Variants in SLC22A15 observed in about 807,000 individuals in gnomAD.
SLC22A15 encodes the protein flipt 1.
Under a neutral mutation model 62.7 loss-of-function variants are expected in SLC22A15, and 45 were observed. The ratio of observed to expected loss-of-function variants is 0.72; its 90% CI spans 0.56 to 0.92. SLC22A15 has a LOEUF of 0.92. Ranked by LOEUF, SLC22A15 falls within the 40% of genes least tolerant of loss-of-function variation. The pLI is 0.00. For missense variants in SLC22A15, 622 were observed against 665.6 expected (o/e 0.93, Z 0.72); for synonymous variants, 264 against 267.0 (o/e 0.99, Z 0.11).
chr1:116,054,149 T>G (rs1200681604), intron 8 of SLC22A15, among the ~76,000 whole-genome samples: 2 of 152,124 alleles, frequency 1.3e-5, no homozygotes, highest in Non-Finnish European at 2.9e-5. Context: ...TGTGCTATAT[T>G]CAGGAAGCCC....
chr1:116,060,287 A>G (rs572865279), intron 8 of SLC22A15, among the ~76,000 whole-genome samples: 1 of 152,352 alleles, frequency 6.6e-6, no homozygotes, highest in Non-Finnish European at 1.5e-5. Flanking sequence ...TGCAGACCCC[A>G]TTGGCAGGCA....
intron 2 of SLC22A15, among the ~76,000 whole-genome samples, chr1:116,015,798 T>G (rs1185244345): frequency 6.6e-6 from 1 of 152,126 alleles, no homozygotes; most frequent in Non-Finnish European, 1.5e-5. Flanking sequence ...TTCAAGGTAT[T>G]AAGAACAAGT....
At position 116,003,704 on chromosome 1, in the gene SLC22A15, G is replaced by A. The variant is rs149859765; in HGVS notation, c.300+11461G>A. On this transcript the variant is annotated intron_variant, in intron 2 of 11. Coordinates refer to ENST00000369503, the MANE Select transcript of SLC22A15 (RefSeq NM_018420.3). ...CGTGTGGTATTTCTGTGGGTTGGGG[G>A]AAGGGTAGTGTCAGCAATTCAAGAC... 1.2e-3 allele frequency among the ~76,000 whole-genome samples: 181 copies of A among 152,260 alleles called. 1 individual carries two copies. Among genetic ancestry groups the A allele is most frequent in the African/African-American group, 4.1e-3 (170 of 41,538 alleles).
chr1:116,002,505 TA>T (rs1172285624), intron 2 of SLC22A15, among the ~76,000 whole-genome samples: 1 of 152,032 alleles, frequency 6.6e-6, no homozygotes, highest in East Asian at 1.9e-4. Context: ...TCAGGGGCTT[TA>T]AAAATCTGCT....
chr1:116,039,428 G>A (rs917376583), intron 8 of SLC22A15, among the ~76,000 whole-genome samples: 4 of 152,114 alleles, frequency 2.6e-5, no homozygotes, highest in African/African-American at 9.7e-5. Context: ...AGCTACTAGG[G>A]AGGCTGAGGC....
At chr1:116,037,599 C>A in intron 8 of SLC22A15, 1 of 476,758 alleles carries the variant, frequency 2.1e-6, no homozygotes, top group Non-Finnish European at 3.8e-6. Flanking sequence ...TTAATTCTTT[C>A]AGGCTATTAA....
chr1:116,000,661 C>T (rs1251901257), intron 2 of SLC22A15, among the ~76,000 whole-genome samples: 1 of 116,036 alleles, frequency 8.6e-6, no homozygotes, highest in Non-Finnish European at 1.6e-5. Flanking sequence ...GATGGAGTCT[C>T]ACTCTGTCGC....
chr1:115,988,668 G>A (rs1297942836), intron 1 of SLC22A15, among the ~76,000 whole-genome samples: 1 of 148,764 alleles, frequency 6.7e-6, no homozygotes, highest in Admixed American at 6.9e-5. Context: ...TTACAGGCAT[G>A]TGCCACCATG....
chr1:116,027,300 C>T (rs751299971), intron 5 of SLC22A15: 10 of 565,926 alleles, frequency 1.8e-5, no homozygotes, highest in Non-Finnish European at 3.1e-5. Context: ...GCTTTTTTAA[C>T]CTAATACCTC....
chr1:116,013,673 A>G (rs1175445515), intron 2 of SLC22A15: 1 of 152,154 alleles, frequency 6.6e-6, no homozygotes, highest in Non-Finnish European at 1.5e-5. Flanking sequence ...TTATATTTGT[A>G]TTTCAGGAAA....
chr1:116,001,823 A>G (rs961356134), intron 2 of SLC22A15, among the ~76,000 whole-genome samples: 1 of 152,114 alleles, frequency 6.6e-6, no homozygotes, highest in Non-Finnish European at 1.5e-5. Flanking sequence ...TCACTCCAGA[A>G]TTGGTCACTG....
At chr1:115,983,132 A>G (rs560815973) in intron 1 of SLC22A15, among the ~76,000 whole-genome samples, 1 of 152,346 alleles carries the variant, frequency 6.6e-6, no homozygotes, top group African/African-American at 2.4e-5. Context: ...ACATTTCCAA[A>G]TATTTCTGTT....
intron 8 of SLC22A15, among the ~76,000 whole-genome samples, chr1:116,045,287 T>G (rs1418357794): frequency 2.0e-5 from 3 of 151,866 alleles, no homozygotes; most frequent in African/African-American, 7.3e-5. Context: ...TCTCAGGTGA[T>G]CTGCCCACCT....
chr1:116,025,630 G>T (rs1657050671), intron 4 of SLC22A15, among the ~76,000 whole-genome samples: 1 of 152,204 alleles, frequency 6.6e-6, no homozygotes, highest in African/African-American at 2.4e-5. Context: ...ATAGAGGGGA[G>T]ATAGAAGAGA....
At chr1:116,031,673 T>G in intron 6 of SLC22A15, 92 bp downstream of exon 6, 1 of 1,545,560 alleles carries the variant, frequency 6.5e-7, no homozygotes, top group Non-Finnish European at 8.7e-7. Flanking sequence ...TACAGGGAAT[T>G]TTACCTCTTT....
At position 116,009,740 on chromosome 1, in the gene SLC22A15, A is replaced by G. The variant is rs2101202100; in HGVS notation, c.301-9842A>G. On this transcript the variant is annotated intron_variant, in intron 2 of 11. Coordinates refer to ENST00000369503, the MANE Select transcript of SLC22A15 (RefSeq NM_018420.3). ...ATTGAAATTGGTACCTAAACATGTC[A>G]CTAAGTTGGTGAATATCCTTAATAT... 2.0e-5 allele frequency among the ~76,000 whole-genome samples: 3 copies of G among 152,304 alleles called. No homozygotes were observed. The East Asian group carries it at 5.8e-4, about 29-fold the overall frequency.
intron 8 of SLC22A15, among the ~76,000 whole-genome samples, chr1:116,046,395 A>C (rs1332623802): frequency 3.3e-5 from 5 of 152,216 alleles, no homozygotes; most frequent in Non-Finnish European, 7.3e-5. Flanking sequence ...GACTCTAATA[A>C]TAAGGAAAAA....
At chr1:115,979,343 C>G (rs550370137) in intron 1 of SLC22A15, among the ~76,000 whole-genome samples, 1 of 152,266 alleles carries the variant, frequency 6.6e-6, no homozygotes, top group South Asian at 2.1e-4. Flanking sequence ...ATCTCAATAG[C>G]ATTCAACTTT....
rs1658582478 is a variant in SLC22A15, at chr1:116,070,053, T to TA, written c.*2946dup. 6.6e-6 allele frequency: 1 copy of TA among 152,160 alleles called. No homozygotes were observed. The highest frequency in any genetic ancestry group is 6.5e-5 in the Admixed American group (1 of 15,274). 9.4% of individuals were successfully genotyped at this position (152,160 alleles called of 1,614,324 possible). A position where few individuals can be genotyped will look rare whatever the true frequency, so the allele number is the denominator to read the frequency against. On this transcript the variant is annotated 3_prime_UTR_variant, in exon 12 of 12. Coordinates refer to ENST00000369503, the MANE Select transcript of SLC22A15 (RefSeq NM_018420.3). ...GAATGTAATAAAGAATCATAAAACA[T>TA]AGACCTTTTTTTTGTTCTCCCAGAA...
Sources: gnomAD v4.1 joint callset for allele counts (sites outside exome capture counted in the v4.1 genomes callset) on GRCh38, gnomAD v4.1.1 for gene constraint, MANE v1.5 for transcripts, NCBI Gene and HGNC (gene_info 2026-07-23, HGNC 2026-07-21) for gene names.